MED1: variants seen among roughly 807,000 people sequenced by gnomAD.
MED1 encodes mediator of RNA polymerase II transcription subunit 1.
MED1 carries 17 observed loss-of-function variants against 121.3 expected under a neutral mutation model. The observed-to-expected ratio is 0.14, with a 90% CI of 0.10 to 0.21. MED1 has a LOEUF of 0.21. MED1 is among the 10% of genes least tolerant of loss of function. The pLI is 1.00. For missense variants in MED1, 1,558 were observed against 1,919.4 expected, an observed-to-expected ratio of 0.81 and a Z score of 3.52; for synonymous variants, 661 against 694.4, an observed-to-expected ratio of 0.95 and a Z score of 0.76.
rs557049662 is a variant in MED1 at position 39,415,851 on chromosome 17, G to A, written c.1298-512C>T. 3.0e-4 allele frequency among the ~76,000 whole-genome samples: 45 copies of A among 148,856 alleles called. 1 individual carries two copies. In the South Asian group the frequency reaches 9.6e-3, roughly 32 times the overall value. On this transcript the variant is annotated intron_variant, in intron 14 of 16. Transcript: ENST00000300651. Reference sequence around the variant, plus strand: ...AAAAAAAAAAAAAAATTAGCCGGGTGTGGTGGCGCACACCTGTAATCCTAG... The same window carrying A: ...AAAAAAAAAAAAAAATTAGCCGGGTATGGTGGCGCACACCTGTAATCCTAG...
Position 39,417,615 on chromosome 17 carries a change from C to G in MED1, c.1297+2102G>C, listed in dbSNP as rs374747969. ...CTGCACTCCAGCCTGGGCGACAGAG[C>G]GAGACTCCGTCTCAAAAAACAAACA... On this transcript the variant is annotated intron_variant, in intron 14 of 16. Coordinates refer to ENST00000300651, the MANE Select transcript of MED1 (RefSeq NM_004774.4). 2.1e-3 allele frequency among the ~76,000 whole-genome samples: 320 copies of G among 151,578 alleles called. 9 individuals are homozygous for G. In the South Asian group the frequency reaches 0.065, roughly 31 times the overall value.
At chr17:39,427,967 G>C (rs76389207) in intron 9 of MED1, among the ~76,000 whole-genome samples, 177 bp from the exon 10 acceptor site, 100 of 152,074 alleles carry the variant, frequency 6.6e-4, no homozygotes, top group African/African-American at 2.3e-3. Context: ...CTGTAATCCT[G>C]GCTCTCTGGG....
chr17:39,430,806 C>T (rs957588710), intron 9 of MED1, among the ~76,000 whole-genome samples: 17 of 152,066 alleles, frequency 1.1e-4, no homozygotes, highest in Admixed American at 2.0e-4. Context: ...TCAGTCGAGG[C>T]GAGGAGTTCA....
intron 2 of MED1, among the ~76,000 whole-genome samples, chr17:39,445,103 T>C (rs1485115910): frequency 6.6e-6 from 1 of 152,210 alleles, no homozygotes; most frequent in Non-Finnish European, 1.5e-5. Context: ...TCTTGATTCT[T>C]GACAGGAGAA....
chr17:39,419,858 G>C lies in MED1; in HGVS notation c.1156C>G (p.Arg386Gly), dbSNP rs776780428. 5 of 1,614,092 alleles carry C rather than the reference G, an allele frequency of 3.1e-6. No individual in the cohort carries two copies. Among genetic ancestry groups the C allele is most frequent in the South Asian group, 1.1e-5 (1 of 91,084 alleles). ...LNKDAPLPDG[R>G]SLQGTLVSKI... ...CTAACAAGGGTTCCCTGTAGACTTCGGCCATCTGGAAGAGGAGCATCCTTG... is the reference window on the plus strand; with the variant it reads ...CTAACAAGGGTTCCCTGTAGACTTCCGCCATCTGGAAGAGGAGCATCCTTG... Residue 386 changes from arginine (R) to glycine (G), a missense_variant, in exon 14 of 17, where the codon CGA becomes GGA. This residue lies in a region of MED1 where 443 missense variants were observed against 532.4 expected (regional missense o/e 0.83). Transcript: ENST00000300651.
At chr17:39,432,983 G>A (rs185877257) in intron 7 of MED1, among the ~76,000 whole-genome samples, 2 of 151,930 alleles carry the variant, frequency 1.3e-5, no homozygotes, top group Admixed American at 6.6e-5. Flanking sequence ...CATGGCGGGT[G>A]GATCAAGGTC....
intron 9 of MED1, among the ~76,000 whole-genome samples, chr17:39,430,022 GGAGT>G (rs1264767550): frequency 6.6e-6 from 1 of 152,050 alleles, no homozygotes; most frequent in African/African-American, 2.4e-5. Flanking sequence ...GGTTGAGGCT[GGAGT>G]GAGTCATGAT....
intron 16 of MED1, among the ~76,000 whole-genome samples, chr17:39,414,180 T>C (rs1157789037): frequency 2.0e-5 from 3 of 151,504 alleles, no homozygotes; most frequent in South Asian, 2.1e-4. Context: ...TGAGCCAAGA[T>C]TGTACCACTG....
chr17:39,409,419 A>T lies in MED1; in HGVS notation c.2802T>A (p.Ile934=). 6.2e-7 allele frequency: 1 copy of T among 1,614,146 alleles called. No homozygotes were observed. The highest frequency in any genetic ancestry group is 2.2e-5 in the East Asian group (1 of 44,882). The change falls in exon 17 of 17, where the codon ATT becomes ATA. Residue 934 remains isoleucine, a synonymous_variant. Coordinates refer to ENST00000300651, the MANE Select transcript of MED1 (RefSeq NM_004774.4). ...NQADTVDFSI[I]SVAGKALAPA... is the part of the protein sequence containing the mutation. ...GAGCTAAAGCTTTGCCGGCTACTGA[A>T]ATAATACTGAAATCAACTGTGTCGG...
At chr17:39,442,374 G>C (rs2048684708) in intron 3 of MED1, among the ~76,000 whole-genome samples, 1 of 151,744 alleles carries the variant, frequency 6.6e-6, no homozygotes, top group African/African-American at 2.4e-5. Context: ...GAGGCGGGTG[G>C]ATCACGAGGT....
chr17:39,439,142 G>A, intron 6 of MED1, 23 bp downstream of exon 6: 1 of 1,588,972 alleles, frequency 6.3e-7, no homozygotes, highest in Non-Finnish European at 8.5e-7. Context: ...CAATATCAAG[G>A]AATATAAATC....
At chr17:39,422,402 G>A (rs148992182) in intron 13 of MED1, among the ~76,000 whole-genome samples, 142 of 148,684 alleles carry the variant, frequency 9.6e-4, no homozygotes, top group African/African-American at 3.3e-3. Flanking sequence ...TTGACCTCGT[G>A]ATCCACCTGC....
chr17:39,410,616 C>G lies in MED1; in HGVS notation c.1605G>C (p.Met535Ile). Residue 535 changes from methionine to isoleucine, a missense_variant, in exon 17 of 17, where the codon ATG becomes ATC. Physicochemically the swap from Met to Ile is conservative, Grantham distance 10 (BLOSUM62 1). This residue lies in a region of MED1 where 50 missense variants were observed against 134.5 expected (regional missense o/e 0.37). Coordinates refer to ENST00000300651, the MANE Select transcript of MED1 (RefSeq NM_004774.4). Reference sequence around the variant, plus strand: ...TAGCCGGGGGCAGGTTCTTTTTCACCATGTCTTCAACTGTCTCTGCAATGA... The same window carrying G: ...TAGCCGGGGGCAGGTTCTTTTTCACGATGTCTTCAACTGTCTCTGCAATGA... The part of the protein sequence containing the change: ...LSLIAETVED[M>I]VKKNLPPASS... The G allele has an allele frequency of 6.2e-7, 1 of 1,614,140 alleles. No individual in the cohort carries two copies. The highest frequency in any genetic ancestry group is 8.5e-7 in the Non-Finnish European group (1 of 1,180,038).
chr17:39,428,284 ACCATCCTGACTAACATGGTGAAACC>A (rs1340623033), intron 9 of MED1, among the ~76,000 whole-genome samples: 2 of 152,150 alleles, frequency 1.3e-5, no homozygotes, highest in African/African-American at 4.8e-5. Flanking sequence ...GGATATTGAG[ACCATCCTGACTAACATGGTGAAACC>A]CCATCTTGAC....
chr17:39,410,786 G>T (rs1322198067), intron 16 of MED1, 65 bp from the exon 17 acceptor site: 1 of 1,524,590 alleles, frequency 6.6e-7, no homozygotes, highest in African/African-American at 1.4e-5. Context: ...CTGAGATTTA[G>T]ATATAACATC....
rs1230128757 is a variant in MED1, at chr17:39,449,535, G to A, written c.25+1503C>T. Among the ~76,000 whole-genome samples, 4 of 142,872 alleles carry A rather than the reference G, an allele frequency of 2.8e-5. No homozygotes were observed. The East Asian group carries it at 6.0e-4, about 22-fold the overall frequency. The allele number at this position is 142,872 out of a possible 152,430, so 93.7% of individuals were successfully genotyped here. On this transcript the variant is annotated intron_variant, in intron 1 of 16. Coordinates refer to ENST00000300651, the MANE Select transcript of MED1 (RefSeq NM_004774.4). ...TTTTCTTTTTTTTTTTTTTTGAGAC[G>A]GAGTTTTGCTCTTGTTGCCCAGACT...
At position 39,410,364 on chromosome 17, in the gene MED1, G is replaced by A. The variant is rs1567639335; in HGVS notation, c.1857C>T (p.Gly619=). The change falls in exon 17 of 17, where the codon GGC becomes GGT. Residue 619 remains glycine, a synonymous_variant. Coordinates refer to ENST00000300651, the MANE Select transcript of MED1 (RefSeq NM_004774.4). ...QITGNGGSTI[G]SSPTPPHHTP... is the part of the protein sequence containing the mutation. Reference sequence around the variant, plus strand: ...TGTGATGAGGAGGGGTCGGACTCGAGCCAATGGTAGACCCCCCGTTCCCTG... The same window carrying A: ...TGTGATGAGGAGGGGTCGGACTCGAACCAATGGTAGACCCCCCGTTCCCTG... The A allele has an allele frequency of 6.2e-7, 1 of 1,614,054 alleles. No individual in the cohort carries two copies.
At position 39,409,055 on chromosome 17, in the gene MED1, C is replaced by T. The variant is rs539330154; in HGVS notation, c.3166G>A (p.Ala1056Thr). The T allele has an allele frequency of 6.2e-7, 1 of 1,614,166 alleles. No homozygotes were observed. Among genetic ancestry groups the T allele is most frequent in the South Asian group, 1.1e-5 (1 of 91,070 alleles). The stretch of plus-strand genomic sequence containing the variant: ...GTGATTTTGGGAATGGGTGGTGTGG[C>T]AACACCTGGGGGAGTCTGAGATCTT... ...AGRSQTPPGVATPPIPKITIQ... is the reference protein window; with the variant it reads ...AGRSQTPPGVTTPPIPKITIQ... The change falls in exon 17 of 17, where the codon GCC becomes ACC. Residue 1056 changes from alanine (A) to threonine (T), a missense_variant. By Grantham distance (58) the Ala-to-Thr change is moderately conservative (BLOSUM62 0). Coordinates refer to ENST00000300651, the MANE Select transcript of MED1 (RefSeq NM_004774.4).
At chr17:39,447,223 T>C (rs189710209) in intron 2 of MED1, among the ~76,000 whole-genome samples, 161 of 152,120 alleles carry the variant, frequency 1.1e-3, no homozygotes, top group Middle Eastern at 0.01. Flanking sequence ...AAACCCCGTC[T>C]CTACAAATAA....
Sources: allele counts gnomAD v4.1 joint callset (sites outside exome capture counted in the v4.1 genomes callset), GRCh38; gene constraint gnomAD v4.1.1; regional missense constraint gnomAD v4.1.1; transcripts MANE v1.5; gene names NCBI Gene and HGNC (gene_info 2026-07-23, HGNC 2026-07-21).